Variants in BANK1 observed in about 807,000 individuals in gnomAD.
BANK1 encodes the protein B-cell scaffold protein with ankyrin repeats.
In BANK1, 95 loss-of-function variants were observed where a neutral mutation model predicts 94.5. The observed-to-expected ratio is 1.00, with a 90% CI of 0.85 to 1.19. The LOEUF is 1.19. Ranked by LOEUF, BANK1 falls within the 50% of genes most tolerant of loss-of-function variation. The pLI, the probability that BANK1 is intolerant of heterozygous loss-of-function variation, is 0.00. For missense variants in BANK1, 987 were observed against 932.2 expected (o/e 1.06, Z -0.77); for synonymous variants, 334 against 308.4 (o/e 1.08, Z -0.87).
In BANK1 at chr4:102,060,383, T is replaced by G; in HGVS notation, c.2142T>G (p.Ile714Met). 1 of 1,606,680 alleles carries G rather than the reference T, an allele frequency of 6.2e-7. No individual in the cohort carries two copies. Among genetic ancestry groups the G allele is most frequent in the Non-Finnish European group, 8.5e-7 (1 of 1,177,108 alleles). ...TGGGAAAAAGTGGCCTGGAAATGAT[T>G]CAGCAGGTAATATTGGCCCAGTGTT... Reference protein sequence around the residue: ...WQMGKSGLEMIQQEKLRQLRD... With the variant: ...WQMGKSGLEMMQQEKLRQLRD... Residue 714 changes from isoleucine to methionine, a missense_variant, in exon 12 of 17, where the codon ATT (isoleucine) becomes ATG (methionine). Transcript: ENST00000322953.
chr4:101,989,431 C>CAAA (rs899065744), intron 7 of BANK1, among the ~76,000 whole-genome samples: 32 of 30,828 alleles, frequency 1.0e-3, no homozygotes, highest in Non-Finnish European at 1.4e-3. Flanking sequence ...GACTCCGTCT[C>CAAA]AAAAAAAAAA....
At chr4:101,969,239 T>C (rs1170997173) in intron 7 of BANK1, among the ~76,000 whole-genome samples, 2 of 152,084 alleles carry the variant, frequency 1.3e-5, no homozygotes, top group African/African-American at 4.8e-5. Flanking sequence ...CAAAGATCTT[T>C]TTTTTAAAAA....
intron 2 of BANK1, among the ~76,000 whole-genome samples, chr4:101,852,210 A>G (rs562254014): frequency 6.6e-6 from 1 of 151,874 alleles, no homozygotes; most frequent in East Asian, 1.9e-4. Flanking sequence ...AATCTTTTCT[A>G]TTATTGCATT....
intron 7 of BANK1, among the ~76,000 whole-genome samples, chr4:102,015,008 A>G (rs1277102227): frequency 1.4e-5 from 2 of 141,612 alleles, no homozygotes; most frequent in African/African-American, 6.3e-5. Flanking sequence ...ACATTTTTCT[A>G]TCTTTCTTGT....
intron 7 of BANK1, chr4:101,972,289 G>A (rs546943765): frequency 1.3e-4 from 19 of 151,914 alleles, no homozygotes; most frequent in East Asian, 1.2e-3. Flanking sequence ...TTGAATAAAC[G>A]TATTCATTGG....
At chr4:102,027,464 T>A (rs1484669523) in intron 9 of BANK1, among the ~76,000 whole-genome samples, 1 of 152,194 alleles carries the variant, frequency 6.6e-6, no homozygotes, top group Non-Finnish European at 1.5e-5. Flanking sequence ...AGTGTTACTT[T>A]TATCTTTTGA....
At position 102,025,500 on chromosome 4, in the gene BANK1, A is replaced by G; in HGVS notation, c.1585A>G (p.Thr529Ala). The part of the protein sequence containing the change: ...NAFQLERPHF[T>A]LPGTMVEGQM... ...CTTCCAACTGGAAAGACCTCACTTCACCTTACCAGGTAAGTTTAAGGTTAG... is the reference window on the plus strand; with the variant it reads ...CTTCCAACTGGAAAGACCTCACTTCGCCTTACCAGGTAAGTTTAAGGTTAG... Residue 529 changes from threonine to alanine, a missense_variant, in exon 9 of 17, where the codon ACC (threonine) becomes GCC (alanine). Coordinates refer to ENST00000322953, the MANE Select transcript of BANK1 (RefSeq NM_017935.5). The G allele has an allele frequency of 1.2e-6, 2 of 1,611,172 alleles. No individual in the cohort carries two copies. Among genetic ancestry groups the G allele is most frequent in the Non-Finnish European group, 1.7e-6 (2 of 1,179,820 alleles).
chr4:102,042,000 T>A (rs1262519443), intron 10 of BANK1, among the ~76,000 whole-genome samples: 1 of 152,028 alleles, frequency 6.6e-6, no homozygotes, highest in Non-Finnish European at 1.5e-5. Flanking sequence ...TAAAAACTTA[T>A]CAATTAATGT....
chr4:101,819,205 A>G (rs893989074), intron 1 of BANK1, among the ~76,000 whole-genome samples: 2 of 152,188 alleles, frequency 1.3e-5, no homozygotes, highest in African/African-American at 4.8e-5. Context: ...AGTAACTAAT[A>G]ATTGCTAGAA....
At chr4:102,008,315 A>T (rs976130600) in intron 7 of BANK1, among the ~76,000 whole-genome samples, 7 of 152,210 alleles carry the variant, frequency 4.6e-5, no homozygotes, top group Non-Finnish European at 8.8e-5. Context: ...TCATATGAGG[A>T]TCACGATATC....
chr4:101,927,309 C>T (rs2631256), intron 7 of BANK1, among the ~76,000 whole-genome samples: 119,617 of 151,534 alleles, frequency 0.79, 48,191 homozygotes, highest in Non-Finnish European at 0.88. Flanking sequence ...GGAAAACTGC[C>T]TCATGATCTG....
intron 6 of BANK1, among the ~76,000 whole-genome samples, chr4:101,909,596 G>A (rs1722589175): frequency 6.6e-6 from 1 of 152,130 alleles, no homozygotes; most frequent in South Asian, 2.1e-4. Context: ...GGTGGGCCAG[G>A]TTTTCCTTGC....
rs573617845 is a variant in BANK1, at chr4:101,845,045, G to A, written c.470-9990G>A. ...ACTTATATATAATATTTCTGAGAAA[G>A]TGAAAGGAAATTAAAATATTATTTA... On this transcript the variant is annotated intron_variant, in intron 2 of 16. Transcript: ENST00000322953. 6.6e-5 allele frequency among the ~76,000 whole-genome samples: 10 copies of A among 152,194 alleles called. 1 individual carries two copies. In the South Asian group the frequency reaches 1.7e-3, roughly 25 times the overall value.
At chr4:101,792,391 G>A (rs1725020299) in intron 1 of BANK1, among the ~76,000 whole-genome samples, 1 of 148,308 alleles carries the variant, frequency 6.7e-6, no homozygotes, top group African/African-American at 2.5e-5. Context: ...ATTATCCCAT[G>A]CCCATATTCT....
intron 5 of BANK1, among the ~76,000 whole-genome samples, chr4:101,879,572 A>G (rs765392558): frequency 2.6e-5 from 4 of 152,046 alleles, no homozygotes; most frequent in Non-Finnish European, 4.4e-5. Context: ...TAGAGGGGGA[A>G]GGAACACTTC....
At chr4:102,017,278 C>A (rs1726736692) in intron 7 of BANK1, among the ~76,000 whole-genome samples, 1 of 152,030 alleles carries the variant, frequency 6.6e-6, no homozygotes, top group African/African-American at 2.4e-5. Context: ...GGCATTTGGC[C>A]CAATAAAGGT....
intron 7 of BANK1, among the ~76,000 whole-genome samples, chr4:101,984,768 C>T (rs1725428413): frequency 6.6e-6 from 1 of 152,078 alleles, no homozygotes; most frequent in East Asian, 1.9e-4. Flanking sequence ...AAACCATCAT[C>T]CTAGGTTATT....
chr4:102,021,052 A>C (rs73834560), intron 7 of BANK1, among the ~76,000 whole-genome samples: 7,864 of 152,212 alleles, frequency 0.052, 218 homozygotes, highest in East Asian at 0.1. Flanking sequence ...TACTGGATTT[A>C]TTTCTTTTTT....
At chr4:101,991,004 A>T (rs1283896807) in intron 7 of BANK1, among the ~76,000 whole-genome samples, 1 of 152,186 alleles carries the variant, frequency 6.6e-6, no homozygotes, top group East Asian at 1.9e-4. Context: ...GACTTCCTCA[A>T]TGTAAGGTAC....
Sources: gnomAD v4.1 joint callset for allele counts (sites outside exome capture counted in the v4.1 genomes callset) on GRCh38, gnomAD v4.1.1 for gene constraint, MANE v1.5 for transcripts, NCBI Gene and HGNC (gene_info 2026-07-23, HGNC 2026-07-21) for gene names.